The following IQGAP1 variants were observed in gnomAD, a reference collection of about 807,000 sequenced individuals.
IQGAP1 encodes the protein IQ motif containing GTPase activating protein 1.
IQGAP1 carries 66 observed loss-of-function variants against 215.6 expected under a neutral mutation model. That is an observed-to-expected ratio of 0.31 (90% CI 0.25 to 0.38). The LOEUF is 0.38. Ranked by LOEUF, IQGAP1 falls within the 10% of genes least tolerant of loss-of-function variation. The probability of loss-of-function intolerance (pLI) is 1.00; values close to 1 mark genes in which losing one functional copy is unlikely to be tolerated. For missense variants in IQGAP1, 1,712 were observed against 1,997.1 expected (o/e 0.86, Z 2.72); for synonymous variants, 772 against 728.7 (o/e 1.06, Z -0.96).
At chr15:90,487,640 G>C (rs1206703143) in intron 33 of IQGAP1, 58 bp downstream of exon 33, 1 of 1,158,856 alleles carries the variant, frequency 8.6e-7, no homozygotes, top group East Asian at 2.4e-5. Context: ...CCCGATAGGC[G>C]CATGTCAGAG....
intron 2 of IQGAP1, among the ~76,000 whole-genome samples, chr15:90,408,155 T>C (rs1047168268): frequency 6.6e-5 from 10 of 152,206 alleles, no homozygotes; most frequent in Non-Finnish European, 1.3e-4. Flanking sequence ...TTCCACTTCC[T>C]GGTACCCAAT....
At chr15:90,492,501 T>C (rs371379008) in intron 34 of IQGAP1, 44 bp from the exon 35 acceptor site, 1 of 1,474,040 alleles carries the variant, frequency 6.8e-7, no homozygotes, top group Non-Finnish European at 9.3e-7. Flanking sequence ...GAAATGATAA[T>C]GATAACTGTC....
At position 90,500,842 on chromosome 15, in the gene IQGAP1, G is replaced by A. The variant is rs2151042884; in HGVS notation, c.*734G>A. ...AGCTACTCAGATAAATTCAGAATGG[G>A]TCAAGGCACCTGCCTGTTTTTGTTG... On this transcript the variant is annotated 3_prime_UTR_variant, in exon 38 of 38. Coordinates refer to ENST00000268182, the MANE Select transcript of IQGAP1 (RefSeq NM_003870.4). 1 of 152,774 alleles carries A rather than the reference G, an allele frequency of 6.5e-6. No individual in the cohort carries two copies. The highest frequency in any genetic ancestry group is 2.4e-5 in the African/African-American group (1 of 41,590). 9.5% of individuals were successfully genotyped at this position (152,774 alleles called of 1,614,324 possible).
chr15:90,464,835 G>A (rs936999513), intron 15 of IQGAP1, among the ~76,000 whole-genome samples: 1 of 150,396 alleles, frequency 6.6e-6, no homozygotes, highest in African/African-American at 2.4e-5. Context: ...CTGAGTGACA[G>A]AGCGAGACTC....
At chr15:90,457,518 C>A (rs1965701569) in intron 15 of IQGAP1, among the ~76,000 whole-genome samples, 1 of 151,920 alleles carries the variant, frequency 6.6e-6, no homozygotes, top group Non-Finnish European at 1.5e-5. Context: ...CTTCTGCCTC[C>A]CAGGTTCAAG....
intron 5 of IQGAP1, among the ~76,000 whole-genome samples, chr15:90,434,200 G>A (rs980333958): frequency 2.6e-5 from 4 of 152,230 alleles, no homozygotes; most frequent in Admixed American, 2.6e-4. Context: ...ATTTTGGGAG[G>A]CCAAGGCGGG....
At chr15:90,396,692 C>T (rs1231264826) in intron 2 of IQGAP1, among the ~76,000 whole-genome samples, 1 of 152,048 alleles carries the variant, frequency 6.6e-6, no homozygotes, top group Non-Finnish European at 1.5e-5. Context: ...GGACAGGCTC[C>T]ACCATAAGAA....
chr15:90,497,016 G>A, intron 36 of IQGAP1: 1 of 418,460 alleles, frequency 2.4e-6, no homozygotes, highest in Non-Finnish European at 4.3e-6. Context: ...AGTGCTGCAG[G>A]CAGAGAGAGG....
intron 28 of IQGAP1, among the ~76,000 whole-genome samples, chr15:90,482,549 T>C (rs982484578): frequency 6.6e-6 from 1 of 152,232 alleles, no homozygotes; most frequent in African/African-American, 2.4e-5. Flanking sequence ...ATCTTTTCGC[T>C]GTAGTATTGT....
intron 2 of IQGAP1, among the ~76,000 whole-genome samples, chr15:90,420,979 C>T (rs1303398146): frequency 6.6e-6 from 1 of 151,694 alleles, no homozygotes; most frequent in Non-Finnish European, 1.5e-5. Flanking sequence ...ATGGCGAAAC[C>T]CCGTCTCTAC....
intron 2 of IQGAP1, among the ~76,000 whole-genome samples, chr15:90,425,047 C>T (rs910941452): frequency 6.6e-6 from 1 of 151,908 alleles, no homozygotes; most frequent in Admixed American, 6.6e-5. Context: ...CAGTGGCTCA[C>T]ACCTGTAATC....
At chr15:90,494,275 C>T (rs1290928712) in intron 35 of IQGAP1, 1 of 150,078 alleles carries the variant, frequency 6.7e-6, no homozygotes, top group Non-Finnish European at 1.5e-5. Flanking sequence ...TCTGTAATTG[C>T]TGTGCTGGCT....
intron 2 of IQGAP1, among the ~76,000 whole-genome samples, chr15:90,418,272 A>G (rs62020693): frequency 0.18 from 28,020 of 152,086 alleles, 2,693 homozygotes; most frequent in South Asian, 0.23. Context: ...AAAAAATAGA[A>G]TAAATATGAA....
intron 2 of IQGAP1, among the ~76,000 whole-genome samples, chr15:90,421,659 C>T (rs2905963): frequency 0.16 from 24,435 of 152,100 alleles, 2,691 homozygotes; most frequent in East Asian, 0.46. Flanking sequence ...ACTTGGAACA[C>T]AGTATTCAGT....
intron 28 of IQGAP1, chr15:90,482,583 A>G (rs1966074460): frequency 9.5e-6 from 4 of 419,362 alleles, no homozygotes; most frequent in Admixed American, 4.3e-5. Flanking sequence ...GACCTGGCGA[A>G]TAGTAGCAGG....
At chr15:90,433,390 C>G (rs967759083) in intron 4 of IQGAP1, among the ~76,000 whole-genome samples, 2 of 152,136 alleles carry the variant, frequency 1.3e-5, no homozygotes, top group South Asian at 2.1e-4. Flanking sequence ...TTAAACTGGA[C>G]TAGAACTTGG....
At chr15:90,393,331 C>G (rs572122958) in intron 2 of IQGAP1, among the ~76,000 whole-genome samples, 34 of 152,270 alleles carry the variant, frequency 2.2e-4, no homozygotes, top group African/African-American at 7.9e-4. Flanking sequence ...TTGAAAACAT[C>G]TCTAGATTAC....
Position 90,483,541 on chromosome 15 carries a change from G to A in IQGAP1, c.3736G>A (p.Ala1246Thr), listed in dbSNP as rs778634830. Residue 1246 changes from alanine (A) to threonine (T), a missense_variant, in exon 29 of 38, where the codon GCC (alanine) becomes ACC (threonine). Physicochemically the swap from Ala to Thr is moderately conservative, Grantham distance 58. Transcript: ENST00000268182. The part of the protein sequence containing the change: ...ASNKMFLGDN[A>T]HLSIINEYLS... ...CAATAAGATGTTTCTGGGAGATAATGCCCACTTAAGCATCATTAATGAATA... is the reference window on the plus strand; with the variant it reads ...CAATAAGATGTTTCTGGGAGATAATACCCACTTAAGCATCATTAATGAATA... 1.2e-6 allele frequency: 2 copies of A among 1,614,030 alleles called. No individual in the cohort carries two copies. Among genetic ancestry groups the A allele is most frequent in the Non-Finnish European group, 1.7e-6 (2 of 1,180,008 alleles).
rs573165328 is a variant in IQGAP1 at position 90,435,977 on chromosome 15, C to T, written c.467+2182C>T. Among the ~76,000 whole-genome samples, 5 of 151,958 alleles carry T rather than the reference C, an allele frequency of 3.3e-5. No individual in the cohort carries two copies. In the South Asian group the frequency reaches 1.0e-3, roughly 32 times the overall value. ...ACAGCCATGTTCAAAGCAGGTTCCT[C>T]ACCTTGCTATATTGGATAAGGCTCC... On this transcript the variant is annotated intron_variant, in intron 5 of 37. Transcript: ENST00000268182.
Sources: gnomAD v4.1 joint callset for allele counts (sites outside exome capture counted in the v4.1 genomes callset) on GRCh38, gnomAD v4.1.1 for gene constraint, MANE v1.5 for transcripts, NCBI Gene and HGNC (gene_info 2026-07-23, HGNC 2026-07-21) for gene names.